Variants in ASNS observed in about 807,000 individuals in gnomAD.
ASNS encodes asparagine synthetase [glutamine-hydrolyzing].
ASNS carries 37 observed loss-of-function variants against 62.6 expected under a neutral mutation model. The ratio of observed to expected loss-of-function variants is 0.59; its 90% CI spans 0.45 to 0.78. The LOEUF (loss-of-function observed/expected upper bound fraction) is 0.78. Ranked by LOEUF, ASNS falls within the 30% of genes least tolerant of loss-of-function variation. ASNS has a pLI of 0.00. For missense variants in ASNS, 520 were observed against 682.4 expected (o/e 0.76, Z 2.65); for synonymous variants, 207 against 237.9 (o/e 0.87, Z 1.19).
chr7:97,883,987 C>CA, the ASNS span, among the ~76,000 whole-genome samples: 13,254 of 104,206 alleles, frequency 0.13, 809 homozygotes, highest in African/African-American at 0.18. Flanking sequence ...GACTCCATCT[C>CA]AAAAAAAAAA....
chr7:97,899,073 TC>T, the ASNS span: 8 of 557,614 alleles, frequency 1.4e-5, no homozygotes, highest in Admixed American at 1.3e-4. Context: ...TCTTCTTAAC[TC>T]CCTTTTTGCC....
intron 9 of ASNS, chr7:97,855,040 C>T: frequency 2.8e-6 from 1 of 362,264 alleles, no homozygotes. Flanking sequence ...TGCAGTGGTG[C>T]AATCACAGCT....
upstream of ASNS, among the ~76,000 whole-genome samples, chr7:97,873,666 C>G (rs1393593659): frequency 6.6e-6 from 1 of 152,162 alleles, no homozygotes; most frequent in Non-Finnish European, 1.5e-5. Flanking sequence ...AGGGATTTAT[C>G]CAAACACAGC....
intron 10 of ASNS, among the ~76,000 whole-genome samples, chr7:97,854,134 A>G (rs1791315508): frequency 1.3e-5 from 2 of 152,200 alleles, no homozygotes; most frequent in Admixed American, 1.3e-4. Context: ...TCACTACTCT[A>G]TTCCCTCAGG....
the ASNS span, among the ~76,000 whole-genome samples, chr7:97,907,915 A>C: frequency 1.3e-5 from 2 of 152,218 alleles, no homozygotes; most frequent in Non-Finnish European, 2.9e-5. Flanking sequence ...TGAAGAACTT[A>C]AAGAATACAG....
upstream of ASNS, among the ~76,000 whole-genome samples, chr7:97,876,579 T>C (rs935540232): frequency 1.3e-5 from 2 of 151,612 alleles, no homozygotes; most frequent in Non-Finnish European, 2.9e-5. Flanking sequence ...AGGTGCCTGC[T>C]ACCACTCCCA....
intron 4 of ASNS, among the ~76,000 whole-genome samples, chr7:97,861,245 C>G (rs10261265): frequency 0.3 from 46,188 of 151,854 alleles, 7,180 homozygotes; most frequent in East Asian, 0.43. Context: ...ATCTCCTGAC[C>G]TCGTGATCCA....
At chr7:97,853,823 T>G (rs1448026480) in intron 10 of ASNS, among the ~76,000 whole-genome samples, 1 of 152,182 alleles carries the variant, frequency 6.6e-6, no homozygotes, top group Non-Finnish European at 1.5e-5. Flanking sequence ...ACATACAATA[T>G]GCGATATAAA....
the ASNS span, among the ~76,000 whole-genome samples, chr7:97,890,025 C>G: frequency 7.0e-6 from 1 of 143,812 alleles, no homozygotes; most frequent in Non-Finnish European, 1.5e-5. Context: ...GAACCAAACA[C>G]AAATCCTGGA....
the ASNS span, among the ~76,000 whole-genome samples, chr7:97,894,461 A>G: frequency 1.3e-5 from 2 of 148,350 alleles, no homozygotes; most frequent in South Asian, 2.1e-4. Flanking sequence ...AAAATTGATA[A>G]ACCACTAGTG....
chr7:97,927,071 C>CTT, the ASNS span, among the ~76,000 whole-genome samples: 6,882 of 40,528 alleles, frequency 0.17, 2,136 homozygotes, highest in Non-Finnish European at 0.26. Flanking sequence ...CCACACCTGG[C>CTT]TTTTTTTTTT....
chr7:97,862,546 G>A (rs1380916433), intron 4 of ASNS, among the ~76,000 whole-genome samples: 2 of 152,042 alleles, frequency 1.3e-5, no homozygotes, highest in Admixed American at 1.3e-4. Flanking sequence ...GTGGGTACAT[G>A]GCATTAAACA....
chr7:97,899,171 G>A, the ASNS span: 5 of 273,760 alleles, frequency 1.8e-5, no homozygotes, highest in East Asian at 8.3e-5. Context: ...TGGTAGAGAC[G>A]GGATTTCACG....
At chr7:97,906,717 TAG>T in the ASNS span, 1 of 153,386 alleles carries the variant, frequency 6.5e-6, no homozygotes, top group African/African-American at 2.4e-5. Context: ...GCTATACACA[TAG>T]AGAGAGACAG....
chr7:97,922,369 A>C, the ASNS span, among the ~76,000 whole-genome samples: 1 of 152,198 alleles, frequency 6.6e-6, no homozygotes, highest in Non-Finnish European at 1.5e-5. Context: ...GTCTCAAAAA[A>C]AAAAGGATGA....
chr7:97,882,449 G>A, the ASNS span, among the ~76,000 whole-genome samples: 1 of 152,136 alleles, frequency 6.6e-6, no homozygotes, highest in African/African-American at 2.4e-5. Context: ...TCGGGAGGCT[G>A]AGGCAGGAGA....
chr7:97,864,035 C>CA (rs2115705860), intron 4 of ASNS: 2 of 463,236 alleles, frequency 4.3e-6, no homozygotes, highest in East Asian at 3.6e-5. Context: ...ATTAGCACAG[C>CA]AAAAAATAAA....
the ASNS span, among the ~76,000 whole-genome samples, chr7:97,888,279 T>C: frequency 6.6e-6 from 1 of 152,162 alleles, no homozygotes; most frequent in Non-Finnish European, 1.5e-5. Context: ...CAGCCTCTTA[T>C]TCTTTTTAAA....
chr7:97,916,663 C>G, the ASNS span, among the ~76,000 whole-genome samples: 1 of 152,142 alleles, frequency 6.6e-6, no homozygotes, highest in African/African-American at 2.4e-5. Context: ...GGAGAAGCTT[C>G]CCAAGCAGCA....
Sources: gnomAD v4.1 joint callset for allele counts (sites outside exome capture counted in the v4.1 genomes callset) on GRCh38, gnomAD v4.1.1 for gene constraint, MANE v1.5 for transcripts, NCBI Gene and HGNC (gene_info 2026-07-23, HGNC 2026-07-21) for gene names.